The following GRIN2A variants were observed in gnomAD, a reference collection of about 807,000 sequenced individuals.
The protein encoded by GRIN2A is glutamate receptor ionotropic, NMDA 2A.
GRIN2A carries 22 observed loss-of-function variants against 113.4 expected under a neutral mutation model. That is an observed-to-expected ratio of 0.19 (90% CI 0.14 to 0.28). GRIN2A has a LOEUF of 0.28. GRIN2A is among the 10% of genes least tolerant of loss of function. GRIN2A has a pLI of 1.00. For missense variants in GRIN2A, 1,502 were observed against 1,887.0 expected, an observed-to-expected ratio of 0.80 and a Z score of 3.78; for synonymous variants, 827 against 738.4, an observed-to-expected ratio of 1.12 and a Z score of -1.94.
chr16:9,965,287 A>T (rs9939667), intron 2 of GRIN2A, among the ~76,000 whole-genome samples: 1 of 152,030 alleles, frequency 6.6e-6, no homozygotes, highest in Non-Finnish European at 1.5e-5. Flanking sequence ...CAGCTGGTCT[A>T]GTCTGACTCA....
chr16:10,096,311 C>A (rs1228900897), intron 2 of GRIN2A, among the ~76,000 whole-genome samples: 1 of 152,056 alleles, frequency 6.6e-6, no homozygotes, highest in Non-Finnish European at 1.5e-5. Flanking sequence ...ACAGCAGTTC[C>A]CAACCAGCAG....
At chr16:9,830,386 G>A (rs892762394) in intron 8 of GRIN2A, among the ~76,000 whole-genome samples, 1 of 149,966 alleles carries the variant, frequency 6.7e-6, no homozygotes, top group African/African-American at 2.5e-5. Context: ...CTTAACTAAA[G>A]AGACAGAATG....
At chr16:10,090,859 A>G (rs1487243617) in intron 2 of GRIN2A, among the ~76,000 whole-genome samples, 1 of 152,184 alleles carries the variant, frequency 6.6e-6, no homozygotes, top group Non-Finnish European at 1.5e-5. Context: ...CAGCTCAAAA[A>G]TAAGATGAGC....
intron 3 of GRIN2A, among the ~76,000 whole-genome samples, chr16:9,919,291 T>TA (rs2044314463): frequency 6.6e-6 from 1 of 152,218 alleles, no homozygotes; most frequent in South Asian, 2.1e-4. Flanking sequence ...TCCTCATGTA[T>TA]AAATTGCCTT....
chr16:10,147,265 C>T (rs1052030886), intron 2 of GRIN2A, among the ~76,000 whole-genome samples: 1 of 151,824 alleles, frequency 6.6e-6, no homozygotes, highest in Non-Finnish European at 1.5e-5. Flanking sequence ...CATAACGTCA[C>T]GTTCAAAGAC....
At chr16:9,917,516 C>A (rs2044275466) in intron 3 of GRIN2A, among the ~76,000 whole-genome samples, 1 of 152,222 alleles carries the variant, frequency 6.6e-6, no homozygotes, top group Non-Finnish European at 1.5e-5. Context: ...TCGCCTACCT[C>A]ACAGCTACTT....
intron 2 of GRIN2A, among the ~76,000 whole-genome samples, chr16:10,125,055 T>G (rs1019972668): frequency 6.6e-6 from 1 of 152,106 alleles, no homozygotes; most frequent in African/African-American, 2.4e-5. Flanking sequence ...GCCCAAATCA[T>G]GCAGGGTCTC....
chr16:9,926,011 T>C (rs1401139232), intron 3 of GRIN2A, among the ~76,000 whole-genome samples: 1 of 152,220 alleles, frequency 6.6e-6, no homozygotes, highest in African/African-American at 2.4e-5. Flanking sequence ...TCCGGCTCCA[T>C]CATTTGCCAT....
At chr16:10,027,456 T>TGCC (rs2046845793) in intron 2 of GRIN2A, 1 of 152,272 alleles carries the variant, frequency 6.6e-6, no homozygotes, top group South Asian at 2.1e-4. Context: ...GGAGCCTGGC[T>TGCC]GCCCATCCTG....
intron 11 of GRIN2A, among the ~76,000 whole-genome samples, chr16:9,772,598 A>T (rs1010011154): frequency 1.3e-5 from 2 of 151,668 alleles, no homozygotes; most frequent in African/African-American, 4.8e-5. Flanking sequence ...ATGATCTCAA[A>T]CTCCTGGGCT....
intron 2 of GRIN2A, among the ~76,000 whole-genome samples, chr16:9,994,643 G>A (rs1302378681): frequency 6.6e-6 from 1 of 152,182 alleles, no homozygotes. Flanking sequence ...AGAAGACCAT[G>A]GGCAGGGAAG....
intron 2 of GRIN2A, among the ~76,000 whole-genome samples, chr16:10,077,816 T>G (rs1237750627): frequency 1.3e-5 from 2 of 152,198 alleles, no homozygotes; most frequent in Non-Finnish European, 2.9e-5. Flanking sequence ...CCCACTCCCT[T>G]TGAAGCCTCT....
At chr16:10,103,065 G>C (rs1425971375) in intron 2 of GRIN2A, among the ~76,000 whole-genome samples, 1 of 152,190 alleles carries the variant, frequency 6.6e-6, no homozygotes, top group Non-Finnish European at 1.5e-5. Flanking sequence ...AGACTAGCTG[G>C]AAAGATACTA....
intron 2 of GRIN2A, among the ~76,000 whole-genome samples, chr16:10,161,139 G>A (rs2049801019): frequency 6.6e-6 from 1 of 152,204 alleles, no homozygotes; most frequent in African/African-American, 2.4e-5. Flanking sequence ...ATTTAATCAT[G>A]AGAATGGTTA....
At chr16:9,879,576 G>A (rs2043438100) in intron 4 of GRIN2A, among the ~76,000 whole-genome samples, 1 of 151,990 alleles carries the variant, frequency 6.6e-6, no homozygotes, top group Admixed American at 6.6e-5. Context: ...ACGTAAATAG[G>A]CCCTTAAAAA....
chr16:9,756,084 G>A lies in GRIN2A; in HGVS notation c.*7065C>T, dbSNP rs2141110575. On this transcript the variant is annotated 3_prime_UTR_variant, in exon 13 of 13. Transcript: ENST00000330684. ...AATAATATCACCTCTTTGAACATGG[G>A]TCACAATATTTAGGAGGACTTTAAT... 8.8e-6 allele frequency: 2 copies of A among 226,110 alleles called. No homozygotes were observed. The highest frequency in any genetic ancestry group is 1.8e-4 in the South Asian group (1 of 5,466). The allele number at this position is 226,110 out of a possible 1,614,324, so 14.0% of individuals were successfully genotyped here. A position where few individuals can be genotyped will look rare whatever the true frequency, so the allele number is the denominator to read the frequency against.
chr16:9,944,062 T>C (rs941953939), intron 2 of GRIN2A, among the ~76,000 whole-genome samples: 6 of 152,108 alleles, frequency 3.9e-5, no homozygotes, highest in African/African-American at 1.4e-4. Flanking sequence ...CATGAGAGAA[T>C]TGGTCACTAT....
At chr16:9,882,435 A>T (rs1422424598) in intron 4 of GRIN2A, among the ~76,000 whole-genome samples, 1 of 152,040 alleles carries the variant, frequency 6.6e-6, no homozygotes, top group Non-Finnish European at 1.5e-5. Flanking sequence ...GACATAACAT[A>T]TGGGGTGCAT....
Position 9,808,553 on chromosome 16 carries a change from A to T in GRIN2A, c.2169-10089T>A, listed in dbSNP as rs184468305. Among the ~76,000 whole-genome samples, 30 of 152,312 alleles carry T rather than the reference A, an allele frequency of 2.0e-4. No individual in the cohort carries two copies. The East Asian group carries it at 5.6e-3, about 28-fold the overall frequency. ...AATGCAGGGTACTTTCCATAAGTCAACTTGGTTATTTCTCAGAGGAATTCC... is the reference window on the plus strand; with the variant it reads ...AATGCAGGGTACTTTCCATAAGTCATCTTGGTTATTTCTCAGAGGAATTCC... On this transcript the variant is annotated intron_variant, in intron 10 of 12. Coordinates refer to ENST00000330684, the MANE Select transcript of GRIN2A (RefSeq NM_001134407.3).
Sources: allele counts gnomAD v4.1 joint callset (sites outside exome capture counted in the v4.1 genomes callset), GRCh38; gene constraint gnomAD v4.1.1; transcripts MANE v1.5; gene names NCBI Gene and HGNC (gene_info 2026-07-23, HGNC 2026-07-21).